CDK17: variants seen among roughly 807,000 people sequenced by gnomAD.
CDK17 encodes cyclin dependent kinase 17.
In CDK17, 24 loss-of-function variants were observed where a neutral mutation model predicts 77.6. That is an observed-to-expected ratio of 0.31 (90% CI 0.22 to 0.44). CDK17 has a LOEUF of 0.44. Among genes scored for constraint, CDK17 ranks in the 20% least tolerant of loss-of-function variants. CDK17 has a pLI of 1.00. For missense variants in CDK17, 429 were observed against 622.5 expected (o/e 0.69, Z 3.31); for synonymous variants, 203 against 210.4 (o/e 0.96, Z 0.30).
chr12:96,331,237 C>T (rs377133898), intron 2 of CDK17, among the ~76,000 whole-genome samples: 1 of 152,204 alleles, frequency 6.6e-6, no homozygotes. Context: ...AGCCTGGTAC[C>T]ATGCTTGGCC....
chr12:96,334,854 G>C lies in CDK17; in HGVS notation c.-18C>G, dbSNP rs180741862. 2.8e-3 allele frequency: 3,640 copies of C among 1,293,854 alleles called. 24 individuals carry two copies. Among genetic ancestry groups the C allele is most frequent in the Non-Finnish European group, 2.6e-3 (2,274 of 890,444 alleles). The allele number at this position is 1,293,854 out of a possible 1,614,324, so 80.1% of individuals were successfully genotyped here. A position where few individuals can be genotyped will look rare whatever the true frequency, so the allele number is the denominator to read the frequency against. ...TTTTTCATCCTATCAATTGAATGTG[G>C]CTTGAAAAATCCTGAAAGAAAAGAA... On this transcript the variant is annotated 5_prime_UTR_variant, in exon 2 of 17. Transcript: ENST00000261211.
At chr12:96,391,384 G>C (rs922324816) in intron 1 of CDK17, among the ~76,000 whole-genome samples, 10 of 151,606 alleles carry the variant, frequency 6.6e-5, no homozygotes, top group African/African-American at 1.2e-4. Flanking sequence ...TCACCTCCCG[G>C]GTTCAAGCAA....
At chr12:96,335,063 C>A in intron 1 of CDK17, 198 bp from the exon 2 acceptor site, 2 of 627,290 alleles carry the variant, frequency 3.2e-6, no homozygotes, top group Non-Finnish European at 2.9e-6. Flanking sequence ...TTGGCATCAT[C>A]AGAAGAGCAG....
chr12:96,320,291 C>T (rs1338069141), intron 3 of CDK17, among the ~76,000 whole-genome samples: 1 of 140,430 alleles, frequency 7.1e-6, no homozygotes, highest in African/African-American at 2.7e-5. Context: ...CAAACCACTG[C>T]TCAAGGAAAT....
At chr12:96,345,878 G>C (rs183617699) in intron 1 of CDK17, among the ~76,000 whole-genome samples, 2 of 152,254 alleles carry the variant, frequency 1.3e-5, no homozygotes, top group Admixed American at 6.5e-5. Flanking sequence ...AAATTAAGGA[G>C]TTAGAAACAA....
intron 2 of CDK17, among the ~76,000 whole-genome samples, chr12:96,331,307 T>C (rs1015344220): frequency 1.3e-5 from 2 of 152,188 alleles, no homozygotes; most frequent in Admixed American, 1.3e-4. Flanking sequence ...AGAAAACTGA[T>C]GGGCTCAAAA....
chr12:96,345,860 A>C (rs760185658), intron 1 of CDK17, among the ~76,000 whole-genome samples: 1 of 152,236 alleles, frequency 6.6e-6, no homozygotes, highest in Non-Finnish European at 1.5e-5. Context: ...AAAAGGGCAA[A>C]AATAAAAAAA....
chr12:96,379,164 A>T (rs980859108), intron 1 of CDK17, among the ~76,000 whole-genome samples: 2 of 152,164 alleles, frequency 1.3e-5, no homozygotes, highest in African/African-American at 4.8e-5. Context: ...AAATGGAGGT[A>T]TTTCAAGTCA....
At chr12:96,345,033 A>C (rs552396683) in intron 1 of CDK17, among the ~76,000 whole-genome samples, 1 of 152,012 alleles carries the variant, frequency 6.6e-6, no homozygotes, top group Non-Finnish European at 1.5e-5. Flanking sequence ...CTGTTTCCAT[A>C]TGTTCTCACT....
intron 1 of CDK17, among the ~76,000 whole-genome samples, chr12:96,378,800 T>G (rs1482451733): frequency 3.3e-5 from 5 of 152,184 alleles, no homozygotes; most frequent in African/African-American, 9.7e-5. Context: ...ATAAAGATCT[T>G]TATCTAGATA....
At chr12:96,375,893 A>G (rs1953773647) in intron 1 of CDK17, among the ~76,000 whole-genome samples, 1 of 152,118 alleles carries the variant, frequency 6.6e-6, no homozygotes, top group African/African-American at 2.4e-5. Flanking sequence ...TCTGACACCT[A>G]ATTGTTAAAG....
rs1269266981 is a variant in CDK17, at chr12:96,279,583, T to G, written c.*659A>C. ...TAATTTGTTGGTGTCTAATGTGAGA[T>G]CCTCAAAATGTCAGGGATTCACTTG... On this transcript the variant is annotated 3_prime_UTR_variant, in exon 17 of 17. Transcript: ENST00000261211. 1 of 152,246 alleles carries G rather than the reference T, an allele frequency of 6.6e-6. No individual in the cohort carries two copies. Among genetic ancestry groups the G allele is most frequent in the African/African-American group, 2.4e-5 (1 of 41,458 alleles). The allele number at this position is 152,246 out of a possible 1,614,324, so 9.4% of individuals were successfully genotyped here.
intron 11 of CDK17, among the ~76,000 whole-genome samples, chr12:96,288,426 C>G (rs569860584): frequency 6.6e-6 from 1 of 152,024 alleles, no homozygotes; most frequent in East Asian, 1.9e-4. Context: ...GTTAGAGCAC[C>G]GGAGTGGGCA....
At chr12:96,375,299 A>G (rs1438520200) in intron 1 of CDK17, among the ~76,000 whole-genome samples, 1 of 151,914 alleles carries the variant, frequency 6.6e-6, no homozygotes, top group Non-Finnish European at 1.5e-5. Context: ...CTCTATAACA[A>G]TATCTTGGTT....
At chr12:96,291,594 G>C (rs757247305) in intron 10 of CDK17, among the ~76,000 whole-genome samples, 1 of 150,648 alleles carries the variant, frequency 6.6e-6, no homozygotes, top group Non-Finnish European at 1.5e-5. Flanking sequence ...CCCAGCCAAA[G>C]GTAAATTTTT....
At chr12:96,316,530 G>T (rs373822513) in intron 3 of CDK17, among the ~76,000 whole-genome samples, 42 of 148,068 alleles carry the variant, frequency 2.8e-4, no homozygotes, top group South Asian at 1.5e-3. Flanking sequence ...AAGACAGCAG[G>T]AACCTCTGCA....
intron 5 of CDK17, among the ~76,000 whole-genome samples, chr12:96,304,636 T>C (rs1952553754): frequency 6.6e-6 from 1 of 152,192 alleles, no homozygotes; most frequent in South Asian, 2.1e-4. Context: ...ACGAAAGAAA[T>C]GTGTTTTATC....
At chr12:96,311,823 G>A (rs12580936) in intron 4 of CDK17, among the ~76,000 whole-genome samples, 8,741 of 151,922 alleles carry the variant, frequency 0.058, 337 homozygotes, top group East Asian at 0.13. Flanking sequence ...GTAAGAATAA[G>A]TAAGGAGAAG....
At chr12:96,348,182 T>C (rs926010018) in intron 1 of CDK17, among the ~76,000 whole-genome samples, 5 of 150,244 alleles carry the variant, frequency 3.3e-5, no homozygotes, top group Non-Finnish European at 5.9e-5. Context: ...AATAATAAAG[T>C]CCAAATTGGA....
Sources: allele counts gnomAD v4.1 joint callset (sites outside exome capture counted in the v4.1 genomes callset), GRCh38; gene constraint gnomAD v4.1.1; transcripts MANE v1.5; gene names NCBI Gene and HGNC (gene_info 2026-07-23, HGNC 2026-07-21).